STPG2: variants seen among roughly 807,000 people sequenced by gnomAD.
STPG2 encodes sperm-tail PG-rich repeat-containing protein 2.
Under a neutral mutation model 54.2 loss-of-function variants are expected in STPG2, and 56 were observed. The observed-to-expected ratio is 1.03, with a 90% confidence interval of 0.83 to 1.29. The LOEUF is 1.29. Ranked by LOEUF, STPG2 falls within the 50% of genes most tolerant of loss-of-function variation. The pLI is 0.00. For synonymous variants in STPG2, 200 were observed against 181.8 expected (o/e 1.10, Z -0.81); for missense variants, 596 against 544.9 (o/e 1.09, Z -0.93).
chr4:98,020,816 G>A (rs1358212906), intron 5 of STPG2, among the ~76,000 whole-genome samples: 1 of 152,090 alleles, frequency 6.6e-6, no homozygotes, highest in Non-Finnish European at 1.5e-5. Flanking sequence ...AGAGGTGTTT[G>A]TAGTATTCTC....
intron 5 of STPG2, among the ~76,000 whole-genome samples, chr4:98,063,019 G>A (rs1433112240): frequency 6.6e-6 from 1 of 151,938 alleles, no homozygotes; most frequent in Non-Finnish European, 1.5e-5. Flanking sequence ...CAAAGTGCTA[G>A]GATTACAGGC....
intron 8 of STPG2, among the ~76,000 whole-genome samples, chr4:97,876,298 C>G (rs960934539): frequency 6.6e-6 from 1 of 151,976 alleles, no homozygotes; most frequent in Non-Finnish European, 1.5e-5. Flanking sequence ...GTTTAATATA[C>G]GATTTTTTAT....
chr4:97,898,971 A>G (rs920108053), intron 8 of STPG2, among the ~76,000 whole-genome samples: 3 of 151,718 alleles, frequency 2.0e-5, no homozygotes, highest in African/African-American at 4.8e-5. Flanking sequence ...TCCTAGTCAG[A>G]GCAATCAGGC....
At chr4:97,644,220 A>G (rs1721844624) in intron 10 of STPG2, among the ~76,000 whole-genome samples, 1 of 151,942 alleles carries the variant, frequency 6.6e-6, no homozygotes. Flanking sequence ...CCTGAGTGAC[A>G]TATTTCTTTT....
At chr4:97,574,833 C>G (rs909020354) in intron 10 of STPG2, among the ~76,000 whole-genome samples, 1 of 151,916 alleles carries the variant, frequency 6.6e-6, no homozygotes, top group African/African-American at 2.4e-5. Flanking sequence ...CATCCCACTT[C>G]ATCACTATTT....
chr4:97,777,300 A>G (rs1289188521), intron 9 of STPG2, among the ~76,000 whole-genome samples: 1 of 151,780 alleles, frequency 6.6e-6, no homozygotes, highest in Non-Finnish European at 1.5e-5. Context: ...TTCTCTGTCG[A>G]TTTTTAGCCA....
chr4:97,489,733 T>G (rs1730457677), intron 4 of STPG2: 1 of 151,680 alleles, frequency 6.6e-6, no homozygotes, highest in Non-Finnish European at 1.5e-5. Context: ...TCATTTGAAA[T>G]GTAAACATAC....
downstream of STPG2, among the ~76,000 whole-genome samples, chr4:97,554,840 C>T (rs758516867): frequency 6.6e-6 from 1 of 152,128 alleles, no homozygotes; most frequent in Non-Finnish European, 1.5e-5. Context: ...AAGACACTGG[C>T]TAGTGATGGG....
intron 10 of STPG2, among the ~76,000 whole-genome samples, chr4:97,588,617 T>C (rs1733058025): frequency 6.6e-6 from 1 of 152,048 alleles, no homozygotes. Context: ...GAAGCTCATA[T>C]CATCAGAGAG....
intron 5 of STPG2, among the ~76,000 whole-genome samples, chr4:97,992,936 C>A (rs896123152): frequency 3.9e-5 from 6 of 152,114 alleles, no homozygotes; most frequent in African/African-American, 1.4e-4. Context: ...AATTTTGTAT[C>A]CTGAAACTTT....
chr4:98,116,794 G>C (rs1739536206), intron 3 of STPG2, among the ~76,000 whole-genome samples: 2 of 151,768 alleles, frequency 1.3e-5, no homozygotes, highest in Admixed American at 1.3e-4. Context: ...GAATTCTTAT[G>C]GTTAGAAAAG....
intron 10 of STPG2, among the ~76,000 whole-genome samples, chr4:97,671,067 C>G (rs903841941): frequency 3.9e-5 from 6 of 152,194 alleles, no homozygotes; most frequent in Non-Finnish European, 7.3e-5. Context: ...CTATCATCCT[C>G]TCATCCTGAA....
At chr4:97,897,702 C>G (rs1367755194) in intron 8 of STPG2, among the ~76,000 whole-genome samples, 1 of 152,026 alleles carries the variant, frequency 6.6e-6, no homozygotes, top group Non-Finnish European at 1.5e-5. Context: ...GCATGTATGT[C>G]TTCTTTTGAA....
At chr4:97,839,904 A>T (rs1464877395) in intron 9 of STPG2, among the ~76,000 whole-genome samples, 1 of 151,554 alleles carries the variant, frequency 6.6e-6, no homozygotes, top group East Asian at 1.9e-4. Flanking sequence ...TCTCATAAAA[A>T]TTCATTACAA....
intron 7 of STPG2, among the ~76,000 whole-genome samples, chr4:97,970,234 C>A (rs1734276547): frequency 6.6e-6 from 1 of 152,092 alleles, no homozygotes; most frequent in African/African-American, 2.4e-5. Context: ...CCATACTGAC[C>A]AAGGTAATTT....
rs572254872 is a variant in STPG2 at position 97,463,294 on chromosome 4, C to T, written c.462+249405G>A. On this transcript the variant is annotated intron_variant, in intron 4 of 4. Transcript: ENST00000522676. ...ATTTTTTTATTTAAATGAATTTATG[C>T]ACATGTTTATATATAAATTTCGGAC... Among the ~76,000 whole-genome samples, 280 of 152,144 alleles carry T rather than the reference C, an allele frequency of 1.8e-3. 1 individual carries two copies. The highest frequency in any genetic ancestry group is 6.4e-3 in the African/African-American group (267 of 41,524).
At chr4:97,836,703 T>G (rs1307461184) in intron 9 of STPG2, among the ~76,000 whole-genome samples, 1 of 151,642 alleles carries the variant, frequency 6.6e-6, no homozygotes, top group Non-Finnish European at 1.5e-5. Context: ...ATGCTTGATT[T>G]TCCTTCTTCC....
At chr4:98,134,530 A>G in intron 1 of STPG2, 71 bp from the exon 2 acceptor site, 1 of 794,734 alleles carries the variant, frequency 1.3e-6, no homozygotes, top group Non-Finnish European at 1.9e-6. Flanking sequence ...AACGCTCAAA[A>G]TATATATAAT....
chr4:97,699,647 G>T (rs1237085848), intron 10 of STPG2, among the ~76,000 whole-genome samples: 1 of 152,162 alleles, frequency 6.6e-6, no homozygotes, highest in Non-Finnish European at 1.5e-5. Flanking sequence ...TCCCTTCACT[G>T]CTGTCCTTCA....
Sources: allele counts gnomAD v4.1 joint callset (sites outside exome capture counted in the v4.1 genomes callset), GRCh38; gene constraint gnomAD v4.1.1; transcripts MANE v1.5; gene names NCBI Gene and HGNC (gene_info 2026-07-23, HGNC 2026-07-21).